Variants in GPHN observed in about 807,000 individuals in gnomAD.
GPHN encodes the protein gephyrin.
GPHN carries 17 observed loss-of-function variants against 95.5 expected under a neutral mutation model. The observed-to-expected ratio is 0.18, with a 90% CI of 0.12 to 0.27. GPHN has a LOEUF of 0.27. GPHN is among the 10% of genes least tolerant of loss of function. The pLI is 1.00. For missense variants in GPHN, 660 were observed against 978.1 expected (o/e 0.67, Z 4.34); for synonymous variants, 320 against 322.5 (o/e 0.99, Z 0.08).
chr14:67,700,230 G>T, the GPHN span, among the ~76,000 whole-genome samples: 1 of 152,202 alleles, frequency 6.6e-6, no homozygotes, highest in Non-Finnish European at 1.5e-5. Context: ...AAGGAAACTT[G>T]TATCTTAAGC....
At chr14:66,604,499 A>G (rs2062417767) in intron 1 of GPHN, among the ~76,000 whole-genome samples, 1 of 152,074 alleles carries the variant, frequency 6.6e-6, no homozygotes, top group South Asian at 2.1e-4. Flanking sequence ...TGACCGAAAT[A>G]TTTTTTCTGG....
At chr14:67,666,236 T>G in the GPHN span, among the ~76,000 whole-genome samples, 1 of 152,196 alleles carries the variant, frequency 6.6e-6, no homozygotes, top group Non-Finnish European at 1.5e-5. Flanking sequence ...TCTCCTCCTT[T>G]ATTCTTCCTT....
chr14:67,254,029 C>CG, the GPHN span, among the ~76,000 whole-genome samples: 1 of 137,864 alleles, frequency 7.3e-6, no homozygotes, highest in African/African-American at 2.8e-5. Context: ...TATTCATCCC[C>CG]CCCCCCTTAC....
the GPHN span, among the ~76,000 whole-genome samples, chr14:67,328,197 C>G: frequency 6.6e-6 from 1 of 152,166 alleles, no homozygotes; most frequent in Non-Finnish European, 1.5e-5. Flanking sequence ...GATGGTATCT[C>G]ATTGTGGTTT....
chr14:66,723,065 G>T (rs955962197), intron 2 of GPHN, among the ~76,000 whole-genome samples: 17 of 151,548 alleles, frequency 1.1e-4, no homozygotes, highest in Admixed American at 3.3e-4. Context: ...AGATTTTTTT[G>T]TGTGTGTGAC....
chr14:67,651,253 C>T, the GPHN span: 8 of 1,536,084 alleles, frequency 5.2e-6, no homozygotes, highest in South Asian at 7.5e-5. Flanking sequence ...CTCCCTCCTC[C>T]CACAGCCTGG....
At chr14:66,525,784 TA>T (rs1441021493) in intron 1 of GPHN, among the ~76,000 whole-genome samples, 1 of 152,180 alleles carries the variant, frequency 6.6e-6, no homozygotes, top group Non-Finnish European at 1.5e-5. Flanking sequence ...TTGTCAAAAA[TA>T]AAATGGTTGT....
the GPHN span, among the ~76,000 whole-genome samples, chr14:67,652,801 C>T: frequency 6.0e-5 from 9 of 150,096 alleles, no homozygotes; most frequent in East Asian, 3.9e-4. Flanking sequence ...AAATATATTT[C>T]TTTTTTTTTT....
the GPHN span, among the ~76,000 whole-genome samples, chr14:67,195,279 A>T: frequency 1.3e-4 from 20 of 152,284 alleles, no homozygotes; most frequent in Non-Finnish European, 2.6e-4. Context: ...GGCTGCAAAT[A>T]TCCTTGAATT....
intron 11 of GPHN, among the ~76,000 whole-genome samples, chr14:67,076,663 C>T (rs1238262408): frequency 1.3e-5 from 2 of 152,154 alleles, no homozygotes; most frequent in Admixed American, 6.5e-5. Flanking sequence ...AGTAACCTCT[C>T]ACATAGATTA....
At chr14:67,208,116 G>C in the GPHN span, 1 of 1,543,948 alleles carries the variant, frequency 6.5e-7, no homozygotes, top group Non-Finnish European at 8.7e-7. Flanking sequence ...GAATGAAATG[G>C]TGCCTGTATT....
intron 2 of GPHN, among the ~76,000 whole-genome samples, chr14:66,738,535 T>G (rs2072496523): frequency 6.6e-6 from 1 of 152,164 alleles, no homozygotes; most frequent in African/African-American, 2.4e-5. Flanking sequence ...TTATGGCGTG[T>G]GTCTTGCTTT....
At chr14:66,657,849 G>A (rs2065397960) in intron 1 of GPHN, among the ~76,000 whole-genome samples, 1 of 152,134 alleles carries the variant, frequency 6.6e-6, no homozygotes, top group Admixed American at 6.5e-5. Context: ...TGTTTTCATG[G>A]CTGCTAACAC....
chr14:66,702,559 G>C (rs2068657346), intron 2 of GPHN, among the ~76,000 whole-genome samples: 1 of 152,018 alleles, frequency 6.6e-6, no homozygotes, highest in Admixed American at 6.6e-5. Flanking sequence ...ATATAGAAGA[G>C]GGACCTGACC....
intron 1 of GPHN, among the ~76,000 whole-genome samples, chr14:66,652,549 G>C (rs2065097615): frequency 6.6e-6 from 1 of 150,692 alleles, no homozygotes; most frequent in Non-Finnish European, 1.5e-5. Context: ...TTTTAAACTA[G>C]GGATTTGGTT....
At chr14:66,668,866 C>T (rs2066127975) in intron 1 of GPHN, among the ~76,000 whole-genome samples, 2 of 151,218 alleles carry the variant, frequency 1.3e-5, no homozygotes, top group African/African-American at 2.4e-5. Context: ...ACCTTTCCCA[C>T]TTTCCTGCTG....
chr14:67,674,738 A>C, the GPHN span: 1 of 374,694 alleles, frequency 2.7e-6, no homozygotes, highest in Non-Finnish European at 4.8e-6. Context: ...GGCCTAGGCG[A>C]CTCCTGAGGG....
rs2083309731 is a variant in GPHN, at chr14:67,181,264, T to C, written c.*327T>C. 2.2e-6 allele frequency: 1 copy of C among 451,954 alleles called. No individual in the cohort carries two copies. The highest frequency in any genetic ancestry group is 4.1e-6 in the Non-Finnish European group (1 of 243,836). The allele number at this position is 451,954 out of a possible 1,614,324, so 28.0% of individuals were successfully genotyped here. ...TGCAGAACTTGTGTTTTTCTCATCT[T>C]TAAAATACAACTACTTATGCTCTTA... On this transcript the variant is annotated 3_prime_UTR_variant, in exon 23 of 23. Coordinates refer to ENST00000478722, the MANE Select transcript of GPHN (RefSeq NM_020806.5).
Position 66,629,785 on chromosome 14 carries a change from C to G in GPHN, c.65-51322C>G, listed in dbSNP as rs189394257. On this transcript the variant is annotated intron_variant, in intron 1 of 22. Transcript: ENST00000478722. ...CAGCTCCATTATAATGTTATGGACT[C>G]ACCATCATATATGCAGTTTATTATT... Among the ~76,000 whole-genome samples the G allele has an allele frequency of 6.0e-4, 91 of 152,228 alleles. 1 individual carries two copies. Among genetic ancestry groups the G allele is most frequent in the Non-Finnish European group, 7.9e-4 (54 of 68,008 alleles).
Sources: allele counts gnomAD v4.1 joint callset (sites outside exome capture counted in the v4.1 genomes callset), GRCh38; gene constraint gnomAD v4.1.1; transcripts MANE v1.5; gene names NCBI Gene and HGNC (gene_info 2026-07-23, HGNC 2026-07-21).